CDH8: variants seen among roughly 807,000 people sequenced by gnomAD.
CDH8 encodes cadherin-8.
CDH8 carries 17 observed loss-of-function variants against 68.1 expected under a neutral mutation model. The observed-to-expected ratio is 0.25, with a 90% confidence interval of 0.17 to 0.37. The LOEUF is 0.37. Ranked by LOEUF, CDH8 falls within the 10% of genes least tolerant of loss-of-function variation. The pLI, the probability that CDH8 is intolerant of heterozygous loss-of-function variation, is 1.00. For synonymous variants in CDH8, 372 were observed against 365.1 expected (o/e 1.02, Z -0.21); for missense variants, 763 against 999.3 (o/e 0.76, Z 3.19).
chr16:61,713,676 A>T (rs1428587194), intron 10 of CDH8, among the ~76,000 whole-genome samples, 165 bp downstream of exon 10: 1 of 151,678 alleles, frequency 6.6e-6, no homozygotes, highest in Non-Finnish European at 1.5e-5. Flanking sequence ...AAATATTGAA[A>T]ATAGGAAGTA....
chr16:61,737,005 G>A (rs960565243), intron 8 of CDH8, among the ~76,000 whole-genome samples: 1 of 152,226 alleles, frequency 6.6e-6, no homozygotes, highest in South Asian at 2.1e-4. Context: ...AGAAGAAAAG[G>A]CTGAAATAGC....
At chr16:61,935,631 T>G (rs1964615708) in intron 2 of CDH8, among the ~76,000 whole-genome samples, 1 of 152,152 alleles carries the variant, frequency 6.6e-6, no homozygotes, top group African/African-American at 2.4e-5. Flanking sequence ...TCCTGTGAGT[T>G]CACTATTCAT....
chr16:61,751,756 G>A (rs930116261), intron 8 of CDH8, among the ~76,000 whole-genome samples: 5 of 151,890 alleles, frequency 3.3e-5, no homozygotes, highest in Admixed American at 6.6e-5. Flanking sequence ...AAAACTGAAT[G>A]GTAATTATAT....
At chr16:61,877,729 A>T (rs1963489253) in intron 3 of CDH8, among the ~76,000 whole-genome samples, 2 of 152,176 alleles carry the variant, frequency 1.3e-5, no homozygotes, top group African/African-American at 4.8e-5. Context: ...ATAAGAGAGA[A>T]TGAAGAGAGA....
At chr16:61,662,087 G>GTT in intron 10 of CDH8, among the ~76,000 whole-genome samples, 1,197 of 92,714 alleles carry the variant, frequency 0.013, 14 homozygotes, top group African/African-American at 0.018. Flanking sequence ...TTTTACTTTA[G>GTT]TTTTTTTTTT....
intron 10 of CDH8, among the ~76,000 whole-genome samples, chr16:61,706,342 A>G (rs1035538322): frequency 2.6e-5 from 4 of 152,034 alleles, no homozygotes; most frequent in African/African-American, 4.8e-5. Flanking sequence ...TGGCGGCCGG[A>G]CGCGGTGGCT....
chr16:61,799,272 G>A (rs1251852249), intron 7 of CDH8, among the ~76,000 whole-genome samples: 1 of 152,090 alleles, frequency 6.6e-6, no homozygotes, highest in Non-Finnish European at 1.5e-5. Context: ...GTTGACAAAC[G>A]CTAATAGGTA....
At chr16:61,921,202 T>C (rs1964360612) in intron 2 of CDH8, among the ~76,000 whole-genome samples, 1 of 151,086 alleles carries the variant, frequency 6.6e-6, no homozygotes, top group Admixed American at 6.6e-5. Context: ...CATGTATACA[T>C]ATGTAACTAA....
chr16:62,013,365 G>T (rs1170773814), intron 2 of CDH8, among the ~76,000 whole-genome samples: 2 of 151,780 alleles, frequency 1.3e-5, no homozygotes, highest in Non-Finnish European at 2.9e-5. Context: ...AAAAAATAGC[G>T]GTAGAATGAC....
At chr16:61,885,842 T>C (rs755833604) in intron 3 of CDH8, among the ~76,000 whole-genome samples, 29 of 152,158 alleles carry the variant, frequency 1.9e-4, no homozygotes, top group Non-Finnish European at 3.4e-4. Flanking sequence ...GATCATCTAG[T>C]TTTCTTTAAC....
At chr16:61,938,231 G>T (rs1032844921) in intron 2 of CDH8, among the ~76,000 whole-genome samples, 2 of 151,936 alleles carry the variant, frequency 1.3e-5, no homozygotes, top group Non-Finnish European at 2.9e-5. Flanking sequence ...AAGTTGATGA[G>T]GAATGAATTA....
At chr16:61,735,467 G>A (rs916347865) in intron 8 of CDH8, among the ~76,000 whole-genome samples, 5 of 152,012 alleles carry the variant, frequency 3.3e-5, no homozygotes, top group East Asian at 1.9e-4. Flanking sequence ...ACTCTCTCCT[G>A]AGAATTTCGA....
rs4783765 is a variant in CDH8, at chr16:61,809,731, G to T, written c.1277+7748C>A. Among the ~76,000 whole-genome samples the T allele has an allele frequency of 0.022, 3,411 of 152,268 alleles. 257 individuals are homozygous for T. In the East Asian group the frequency reaches 0.24, roughly 10 times the overall value. ...GACAGATCAGGACAGGAACCTGACT[G>T]CCCTCTTTTAAATCAGCATGGTTCT... On this transcript the variant is annotated intron_variant, in intron 7 of 11. Transcript: ENST00000577390.
intron 4 of CDH8, among the ~76,000 whole-genome samples, chr16:61,827,477 G>A (rs1962365322): frequency 6.6e-6 from 1 of 151,896 alleles, no homozygotes; most frequent in Non-Finnish European, 1.5e-5. Context: ...AGATTGGTAT[G>A]TATTATTCTC....
intron 2 of CDH8, 88 bp from the exon 3 acceptor site, chr16:61,901,561 CTT>C: frequency 1.1e-6 from 1 of 884,938 alleles, no homozygotes; most frequent in Non-Finnish European, 1.8e-6. Flanking sequence ...TAAGTTGGTT[CTT>C]TTTACATAAC....
chr16:61,675,693 A>T (rs1464889950), intron 10 of CDH8, among the ~76,000 whole-genome samples: 2 of 151,630 alleles, frequency 1.3e-5, no homozygotes, highest in East Asian at 1.9e-4. Flanking sequence ...TGATTAAATT[A>T]AAATAACTCA....
intron 3 of CDH8, among the ~76,000 whole-genome samples, chr16:61,890,798 G>T (rs974543482): frequency 6.6e-6 from 1 of 152,060 alleles, no homozygotes; most frequent in Non-Finnish European, 1.5e-5. Flanking sequence ...TAGTGACTGA[G>T]AATTCATCTT....
intron 8 of CDH8, among the ~76,000 whole-genome samples, chr16:61,762,912 A>G (rs778698835): frequency 1.3e-5 from 2 of 152,194 alleles, no homozygotes; most frequent in Admixed American, 6.6e-5. Context: ...ATTCATAGGC[A>G]TATAAAGGCT....
At chr16:61,944,711 G>A (rs930686630) in intron 2 of CDH8, among the ~76,000 whole-genome samples, 1 of 152,134 alleles carries the variant, frequency 6.6e-6, no homozygotes, top group Non-Finnish European at 1.5e-5. Flanking sequence ...AGAGCTGGAG[G>A]CAGAAGAATT....
Sources: gnomAD v4.1 joint callset for allele counts (sites outside exome capture counted in the v4.1 genomes callset) on GRCh38, gnomAD v4.1.1 for gene constraint, MANE v1.5 for transcripts, NCBI Gene and HGNC (gene_info 2026-07-23, HGNC 2026-07-21) for gene names.